The following MAST2 variants were observed in gnomAD, a reference collection of about 807,000 sequenced individuals.
The protein encoded by MAST2 is microtubule-associated serine/threonine-protein kinase 2.
A neutral mutation model predicts 147.4 loss-of-function variants in MAST2; 70 were observed. The ratio of observed to expected loss-of-function variants is 0.47; its 90% CI spans 0.39 to 0.58. MAST2 has a LOEUF of 0.58. Among genes scored for constraint, MAST2 ranks in the 20% least tolerant of loss-of-function variants. The pLI is 0.00. For missense variants in MAST2, 2,080 were observed against 2,302.3 expected, an observed-to-expected ratio of 0.90 and a Z score of 1.98; for synonymous variants, 869 against 896.8, an observed-to-expected ratio of 0.97 and a Z score of 0.55.
rs72895073 is a variant in MAST2, at chr1:46,030,554, T to G, written c.2554-53T>G. ...CGATGCCAAGGATGCTTTATGCCAC[T>G]TGGGAGGTACGGCTGCCAGAGCCCA... On this transcript the variant is annotated intron_variant, in intron 21 of 28. Coordinates refer to ENST00000361297, the MANE Select transcript of MAST2 (RefSeq NM_015112.3). 5.0e-3 allele frequency: 7,775 copies of G among 1,547,864 alleles called. 353 individuals are homozygous for G. In the African/African-American group the frequency reaches 0.091, roughly 18 times the overall value.
chr1:45,882,797 T>C (rs1334437879), intron 4 of MAST2, among the ~76,000 whole-genome samples: 2 of 152,232 alleles, frequency 1.3e-5, no homozygotes, highest in Non-Finnish European at 2.9e-5. Context: ...CCAACTTTTC[T>C]GATAAGTTGA....
At chr1:45,893,724 A>G (rs985956816) in intron 4 of MAST2, among the ~76,000 whole-genome samples, 2 of 152,194 alleles carry the variant, frequency 1.3e-5, no homozygotes, top group Non-Finnish European at 2.9e-5. Flanking sequence ...TTTTCTATTA[A>G]TCATACAATA....
At chr1:45,918,888 G>A (rs578154444) in intron 4 of MAST2, among the ~76,000 whole-genome samples, 21 of 152,220 alleles carry the variant, frequency 1.4e-4, no homozygotes, top group South Asian at 4.2e-4. Context: ...CGAGGTGAGC[G>A]GATTGCTTGA....
At chr1:46,009,395 G>A (rs976970788) in intron 9 of MAST2, among the ~76,000 whole-genome samples, 2 of 152,126 alleles carry the variant, frequency 1.3e-5, no homozygotes, top group Non-Finnish European at 2.9e-5. Flanking sequence ...ATGCCTGTAC[G>A]CTCTGACCTG....
chr1:45,829,834 A>C (rs1487758314), intron 3 of MAST2, among the ~76,000 whole-genome samples: 2 of 150,678 alleles, frequency 1.3e-5, no homozygotes, highest in Non-Finnish European at 3.0e-5. Flanking sequence ...CTACAGGTAC[A>C]TGTCATGGCA....
intron 6 of MAST2, among the ~76,000 whole-genome samples, chr1:46,000,248 A>G (rs998535807): frequency 5.3e-5 from 8 of 152,238 alleles, no homozygotes; most frequent in Non-Finnish European, 1.0e-4. Flanking sequence ...CGGGAGGCAG[A>G]GGTTGCAGTG....
At chr1:45,878,480 A>G (rs1646702441) in intron 3 of MAST2, among the ~76,000 whole-genome samples, 1 of 152,170 alleles carries the variant, frequency 6.6e-6, no homozygotes, top group Admixed American at 6.5e-5. Context: ...CTTTTCTTGT[A>G]AGATCAGATG....
At chr1:46,006,561 A>G in intron 8 of MAST2, 166 bp downstream of exon 8, 1 of 479,910 alleles carries the variant, frequency 2.1e-6, no homozygotes, top group Non-Finnish European at 3.4e-6. Flanking sequence ...TTGTAGTATG[A>G]AAGTATCCAC....
chr1:46,034,625 T>C lies in MAST2; in HGVS notation c.3956T>C (p.Leu1319Pro). Residue 1319 changes from leucine (L) to proline (P), a missense_variant, in exon 29 of 29, where the codon CTC (leucine) becomes CCC (proline). By Grantham distance (98) the Leu-to-Pro change is moderately conservative. Coordinates refer to ENST00000361297, the MANE Select transcript of MAST2 (RefSeq NM_015112.3). ...AGSGHTRPSS[L>P]HGLAPKLQRQ... ...TCTGGGCACACACGGCCCAGCTCCC[T>C]CCACGGTCTGGCACCCAAGCTCCAA... 6.2e-7 allele frequency: 1 copy of C among 1,614,054 alleles called. No individual in the cohort carries two copies. The highest frequency in any genetic ancestry group is 8.5e-7 in the Non-Finnish European group (1 of 1,180,014).
intron 4 of MAST2, among the ~76,000 whole-genome samples, chr1:45,944,034 T>A (rs188723815): frequency 6.6e-6 from 1 of 152,326 alleles, no homozygotes; most frequent in East Asian, 1.9e-4. Context: ...CCCTGAATTA[T>A]TTCCTGCATG....
In MAST2 at chr1:46,031,161, C is replaced by T. The variant is rs1005543253; in HGVS notation, c.2863C>T (p.Gln955Ter). The change falls in exon 23 of 29, where the codon CAG becomes TAG. Residue 955 changes from glutamine to a stop codon, truncating the protein, a stop_gained. Transcript: ENST00000361297. LOFTEE classifies it high-confidence loss of function. The surrounding 1 kb of genome is among the most constrained non-coding windows in gnomAD (Gnocchi z 4.1). ...CAGCAGCACCCTCAGGAGGCAACCACAGGAGGGTATATGGGTCCTGACACC... is the reference window on the plus strand; with the variant it reads ...CAGCAGCACCCTCAGGAGGCAACCATAGGAGGGTATATGGGTCCTGACACC... Reference protein sequence around the residue: ...EASSTLRRQPQEGIWVLTPPS... With the variant: ...EASSTLRRQP 3 of 1,605,576 alleles carry T rather than the reference C, an allele frequency of 1.9e-6. No individual in the cohort carries two copies. Among genetic ancestry groups the T allele is most frequent in the Non-Finnish European group, 2.6e-6 (3 of 1,174,272 alleles).
intron 4 of MAST2, among the ~76,000 whole-genome samples, chr1:45,920,302 TA>T (rs1305905937): frequency 6.6e-6 from 1 of 152,182 alleles, no homozygotes; most frequent in Admixed American, 6.5e-5. Context: ...TCTTCTCTGG[TA>T]CCCTGCTTTG....
chr1:45,927,493 TG>T (rs1456531694), intron 4 of MAST2, among the ~76,000 whole-genome samples: 1 of 152,204 alleles, frequency 6.6e-6, no homozygotes, highest in Non-Finnish European at 1.5e-5. Flanking sequence ...GGACGTTCCA[TG>T]CTGAGAATAA....
intron 5 of MAST2, among the ~76,000 whole-genome samples, chr1:45,964,794 C>A (rs1163935471): frequency 6.6e-6 from 1 of 152,082 alleles, no homozygotes; most frequent in East Asian, 1.9e-4. Flanking sequence ...TTTTCTAGTT[C>A]TTTTAATTGT....
intron 4 of MAST2, among the ~76,000 whole-genome samples, chr1:45,898,479 A>G (rs1649147798): frequency 6.6e-6 from 1 of 152,142 alleles, no homozygotes; most frequent in African/African-American, 2.4e-5. Flanking sequence ...ATGGTGGGCC[A>G]TCCAAATCCA....
chr1:45,935,363 T>C (rs1656034535), intron 4 of MAST2, among the ~76,000 whole-genome samples: 1 of 152,224 alleles, frequency 6.6e-6, no homozygotes, highest in Non-Finnish European at 1.5e-5. Context: ...ACTCTGTTGA[T>C]AATTTATTTT....
At chr1:45,880,192 G>T (rs954307089) in intron 3 of MAST2, among the ~76,000 whole-genome samples, 1 of 152,140 alleles carries the variant, frequency 6.6e-6, no homozygotes, top group African/African-American at 2.4e-5. Flanking sequence ...AATGGAATTG[G>T]AGAAACGATA....
At chr1:45,812,183 T>A (rs1644323108) in intron 1 of MAST2, among the ~76,000 whole-genome samples, 1 of 152,172 alleles carries the variant, frequency 6.6e-6, no homozygotes, top group African/African-American at 2.4e-5. Context: ...TCTTCCGAGT[T>A]TTCAGTGCAA....
chr1:45,823,658 C>G (rs376823967), intron 1 of MAST2, among the ~76,000 whole-genome samples: 3 of 152,110 alleles, frequency 2.0e-5, no homozygotes, highest in Non-Finnish European at 4.4e-5. Flanking sequence ...TGGTTCTTGT[C>G]TCTGTACTGT....
Sources: allele counts gnomAD v4.1 joint callset (sites outside exome capture counted in the v4.1 genomes callset), GRCh38; gene constraint gnomAD v4.1.1; non-coding constraint Gnocchi (gnomAD v3.1); transcripts MANE v1.5; gene names NCBI Gene and HGNC (gene_info 2026-07-23, HGNC 2026-07-21).